Variants in ZNF485 observed in about 807,000 individuals in gnomAD.
The protein encoded by ZNF485 is zinc finger protein 485, also known as Zinc finger protein 93 (Zinc finger protein HTF34).
A neutral mutation model predicts 10.8 loss-of-function variants in ZNF485; 9 were observed. That is an observed-to-expected ratio of 0.83 (90% CI 0.50 to 1.45). ZNF485 has a LOEUF of 1.45. Ranked by LOEUF, ZNF485 falls within the 40% of genes most tolerant of loss-of-function variation. The pLI is 0.00. For synonymous variants in ZNF485, 187 were observed against 181.0 expected, an observed-to-expected ratio of 1.03 and a Z score of -0.27; for missense variants, 487 against 528.0, an observed-to-expected ratio of 0.92 and a Z score of 0.76.
At chr10:43,606,842 C>T (rs17154006) in intron 1 of ZNF485, among the ~76,000 whole-genome samples, 155 bp from the exon 2 acceptor site, 13,150 of 152,294 alleles carry the variant, frequency 0.086, 778 homozygotes, top group African/African-American at 0.16. Context: ...CGGATCCCAG[C>T]AGCCGTTCCC....
Position 43,616,975 on chromosome 10 carries a change from C to T in ZNF485, c.932C>T (p.Ser311Leu), listed in dbSNP as rs1838874007. The change falls in exon 5 of 5, where the codon TCA (serine) becomes TTA (leucine). Residue 311 changes from serine (S) to leucine (L), a missense_variant. By Grantham distance (145) the Ser-to-Leu change is moderately radical (BLOSUM62 -2). Transcript: ENST00000361807. ...TGTGGAAAAGCCTTTAGGAAGAGCT[C>T]AACTCTTATTAGTCACCAAAGAATG... ...NECGKAFRKS[S>L]TLISHQRMHT... 6.2e-7 allele frequency: 1 copy of T among 1,614,084 alleles called. No individual in the cohort carries two copies. Among genetic ancestry groups the T allele is most frequent in the Non-Finnish European group, 8.5e-7 (1 of 1,180,030 alleles).
At chr10:43,611,579 G>A (rs1838769387) in intron 4 of ZNF485, among the ~76,000 whole-genome samples, 1 of 151,996 alleles carries the variant, frequency 6.6e-6, no homozygotes, top group African/African-American at 2.4e-5. Context: ...AAATTTGGTG[G>A]GTATTTCCGC....
rs773827072 is a variant in ZNF485, at chr10:43,616,610, T to C, written c.567T>C (p.Ile189=). 1.9e-6 allele frequency: 3 copies of C among 1,614,220 alleles called. No homozygotes were observed. The highest frequency in any genetic ancestry group is 4.5e-5 in the East Asian group (2 of 44,894). The change falls in exon 5 of 5, where the codon ATT becomes ATC. Residue 189 remains isoleucine (I), a synonymous_variant. Transcript: ENST00000361807. ...CAGGCAAACAGCCTTATAGATGTAT[T>C]GAATGTGGGAAGTTCCTGAAGAAGC... ...VHAGKQPYRC[I]ECGKFLKKHS... is the part of the protein sequence containing the mutation.
At chr10:43,614,029 C>G (rs1177621959) in intron 4 of ZNF485, among the ~76,000 whole-genome samples, 1 of 152,112 alleles carries the variant, frequency 6.6e-6, no homozygotes, top group Non-Finnish European at 1.5e-5. Flanking sequence ...GCCTGGCCAA[C>G]ATGGTGAAGC....
At position 43,616,750 on chromosome 10, in the gene ZNF485, A is replaced by G; in HGVS notation, c.707A>G (p.His236Arg). 6.2e-7 allele frequency: 1 copy of G among 1,614,162 alleles called. No individual in the cohort carries two copies. The highest frequency in any genetic ancestry group is 8.5e-7 in the Non-Finnish European group (1 of 1,180,042). The change falls in exon 5 of 5, where the codon CAT becomes CGT. Residue 236 changes from histidine to arginine, a missense_variant. By Grantham distance (29) the His-to-Arg change is conservative (BLOSUM62 0). Coordinates refer to ENST00000361807, the MANE Select transcript of ZNF485 (RefSeq NM_145312.4). The stretch of plus-strand genomic sequence containing the variant: ...ATCCTTTTAAGTCATCAGAGAATTC[A>G]TACTGGCCAGAAACCCTACAAATGT... Reference protein sequence around the residue: ...NSILLSHQRIHTGQKPYKCND... With the variant: ...NSILLSHQRIRTGQKPYKCND...
chr10:43,613,331 G>A (rs1838800594), intron 4 of ZNF485, among the ~76,000 whole-genome samples: 1 of 152,188 alleles, frequency 6.6e-6, no homozygotes, highest in South Asian at 2.1e-4. Flanking sequence ...CATGTGAATG[G>A]TATCATATAG....
intron 4 of ZNF485, among the ~76,000 whole-genome samples, chr10:43,610,381 G>A (rs932632464): frequency 2.0e-5 from 3 of 152,074 alleles, no homozygotes; most frequent in Non-Finnish European, 4.4e-5. Flanking sequence ...TCAGGAGAAT[G>A]TTTATAACTG....
intron 4 of ZNF485, among the ~76,000 whole-genome samples, chr10:43,615,020 C>T (rs1481254675): frequency 1.3e-5 from 2 of 152,200 alleles, no homozygotes; most frequent in Non-Finnish European, 2.9e-5. Flanking sequence ...ATACATTAAA[C>T]ACATATCCCA....
intron 4 of ZNF485, among the ~76,000 whole-genome samples, chr10:43,615,985 T>G (rs73260736): frequency 1.3e-5 from 2 of 152,224 alleles, no homozygotes; most frequent in East Asian, 1.9e-4. Context: ...TATTCTCACA[T>G]TGTCTTTTTT....
At chr10:43,606,651 G>C (rs1370134610) in intron 1 of ZNF485, 105 bp downstream of exon 1, 4 of 318,958 alleles carry the variant, frequency 1.3e-5, no homozygotes, top group Non-Finnish European at 2.3e-5. Flanking sequence ...CGGGGTGGGA[G>C]GGGAAGGCGG....
chr10:43,616,600 A>G lies in ZNF485; in HGVS notation c.557A>G (p.Tyr186Cys). ...AAGGTTCATGCAGGCAAACAGCCTTATAGATGTATTGAATGTGGGAAGTTC... is the reference window on the plus strand; with the variant it reads ...AAGGTTCATGCAGGCAAACAGCCTTGTAGATGTATTGAATGTGGGAAGTTC... The part of the protein sequence containing the change: ...HHKVHAGKQP[Y>C]RCIECGKFLK... The change falls in exon 5 of 5, where the codon TAT (tyrosine) becomes TGT (cysteine). Residue 186 changes from tyrosine (Y) to cysteine (C), a missense_variant. Coordinates refer to ENST00000361807, the MANE Select transcript of ZNF485 (RefSeq NM_145312.4). 6.2e-7 allele frequency: 1 copy of G among 1,614,248 alleles called. No homozygotes were observed. Among genetic ancestry groups the G allele is most frequent in the South Asian group, 1.1e-5 (1 of 91,086 alleles).
chr10:43,610,465 T>C (rs1274680932), intron 4 of ZNF485, among the ~76,000 whole-genome samples: 2 of 152,240 alleles, frequency 1.3e-5, no homozygotes, highest in Non-Finnish European at 2.9e-5. Context: ...TGGGATGCTT[T>C]TGAAGTAATT....
rs562022600 is a variant in ZNF485, at chr10:43,615,007, A to G, written c.248-1284A>G. On this transcript the variant is annotated intron_variant, in intron 4 of 4. Coordinates refer to ENST00000361807, the MANE Select transcript of ZNF485 (RefSeq NM_145312.4). Reference sequence around the variant, plus strand: ...TCTTGAAATTTTCTCTAGTTTGATCATAATACATTAAACACATATCCCATC... The same window carrying G: ...TCTTGAAATTTTCTCTAGTTTGATCGTAATACATTAAACACATATCCCATC... 1.4e-3 allele frequency among the ~76,000 whole-genome samples: 209 copies of G among 152,364 alleles called. 1 individual carries two copies. The highest frequency in any genetic ancestry group is 2.4e-3 in the Non-Finnish European group (162 of 68,038).
chr10:43,617,028 A>T lies in ZNF485; in HGVS notation c.985A>T (p.Ser329Cys). 6.2e-7 allele frequency: 1 copy of T among 1,614,232 alleles called. No individual in the cohort carries two copies. The highest frequency in any genetic ancestry group is 1.1e-5 in the South Asian group (1 of 91,090). The change falls in exon 5 of 5, where the codon AGT becomes TGT. Residue 329 changes from serine (S) to cysteine (C), a missense_variant. Transcript: ENST00000361807. ...MHTGEKPYHC[S>C]KCGKSFRYSS... ...TACTGGGGAGAAACCCTATCACTGC[A>T]GTAAATGTGGAAAATCTTTCAGGTA...
At chr10:43,615,721 A>G (rs905479943) in intron 4 of ZNF485, among the ~76,000 whole-genome samples, 1 of 152,118 alleles carries the variant, frequency 6.6e-6, no homozygotes, top group Admixed American at 6.6e-5. Flanking sequence ...TGTTTTTTAG[A>G]TATGTTAAAA....
chr10:43,617,222 C>T lies in ZNF485; in HGVS notation c.1179C>T (p.His393=), dbSNP rs367956317. The part of the protein sequence containing the change: ...HCKKCGKAFR[H]SSGLVEHQRL... ...AGAAATGTGGGAAAGCCTTTCGGCACAGCTCAGGCCTTGTTGAACATCAGA... is the reference window on the plus strand; with the variant it reads ...AGAAATGTGGGAAAGCCTTTCGGCATAGCTCAGGCCTTGTTGAACATCAGA... The change falls in exon 5 of 5, where the codon CAC becomes CAT. Residue 393 remains histidine, a synonymous_variant. Transcript: ENST00000361807. 1 of 1,614,146 alleles carries T rather than the reference C, an allele frequency of 6.2e-7. No homozygotes were observed. Among genetic ancestry groups the T allele is most frequent in the African/African-American group, 1.3e-5 (1 of 75,042 alleles).
intron 4 of ZNF485, 87 bp downstream of exon 4, chr10:43,609,437 TG>T: frequency 9.6e-7 from 1 of 1,041,514 alleles, no homozygotes. Context: ...TTGAGTGCCC[TG>T]TTGGTGCAGA....
rs1447535806 is a variant in ZNF485 at position 43,616,789 on chromosome 10, A to C, written c.746A>C (p.Lys249Thr). The change falls in exon 5 of 5, where the codon AAA becomes ACA. Residue 249 changes from lysine to threonine, a missense_variant. Lys to Thr is a moderately conservative substitution (Grantham distance 78). Transcript: ENST00000361807. ...QKPYKCNDCGKAFAQNAALTR... is the reference protein window; with the variant it reads ...QKPYKCNDCGTAFAQNAALTR... ...CCCTACAAATGTAATGACTGTGGGAAAGCCTTCGCTCAGAATGCAGCTCTT... is the reference window on the plus strand; with the variant it reads ...CCCTACAAATGTAATGACTGTGGGACAGCCTTCGCTCAGAATGCAGCTCTT... The C allele has an allele frequency of 1.4e-5, 22 of 1,614,120 alleles. No homozygotes were observed. Among genetic ancestry groups the C allele is most frequent in the Non-Finnish European group, 1.8e-5 (21 of 1,179,992 alleles).
chr10:43,610,217 T>TG (rs1838743587), intron 4 of ZNF485, among the ~76,000 whole-genome samples: 1 of 152,222 alleles, frequency 6.6e-6, no homozygotes, highest in Admixed American at 6.5e-5. Context: ...CATTTTTTTC[T>TG]GTGTATACTT....
Sources: gnomAD v4.1 joint callset for allele counts (sites outside exome capture counted in the v4.1 genomes callset) on GRCh38, gnomAD v4.1.1 for gene constraint, MANE v1.5 for transcripts, NCBI Gene and HGNC (gene_info 2026-07-23, HGNC 2026-07-21) for gene names.